Variants in RXRA observed in about 807,000 individuals in gnomAD.
RXRA encodes the protein retinoid X receptor alpha, also known as retinoic acid receptor RXR-alpha.
In RXRA, 5 loss-of-function variants were observed where a neutral mutation model predicts 44.5. That is an observed-to-expected ratio of 0.11 (90% CI 0.06 to 0.24). RXRA has a LOEUF of 0.24. Among genes scored for constraint, RXRA ranks in the 10% least tolerant of loss-of-function variants. The probability of loss-of-function intolerance (pLI) is 1.00; values close to 1 mark genes in which losing one functional copy is unlikely to be tolerated. For missense variants in RXRA, 412 were observed against 646.5 expected (o/e 0.64, Z 3.93); for synonymous variants, 291 against 271.4 (o/e 1.07, Z -0.71).
intron 5 of RXRA, among the ~76,000 whole-genome samples, chr9:134,420,122 C>T (rs1396089840): frequency 6.6e-6 from 1 of 152,216 alleles, no homozygotes; most frequent in Non-Finnish European, 1.5e-5. Flanking sequence ...CAAGGATCCC[C>T]AGCAGAGCCA....
intron 1 of RXRA, among the ~76,000 whole-genome samples, chr9:134,391,899 G>A (rs545447683): frequency 1.3e-5 from 2 of 152,356 alleles, no homozygotes; most frequent in South Asian, 4.1e-4. Flanking sequence ...CAGGACGGGG[G>A]CAGGAGGAGC....
intron 1 of RXRA, among the ~76,000 whole-genome samples, chr9:134,353,745 A>G (rs919968700): frequency 6.6e-6 from 1 of 152,252 alleles, no homozygotes; most frequent in Non-Finnish European, 1.5e-5. Context: ...TCCTCATGCT[A>G]CCCATGGGCC....
rs1831712815 is a variant in RXRA at position 134,440,340 on chromosome 9, G to T, written c.*3726G>T. On this transcript the variant is annotated 3_prime_UTR_variant, in exon 10 of 10. Transcript: ENST00000481739. ...GGAGGGTGGGCCTGAGGCTTTCAAG[G>T]GTTTTCTTCCCTTTCGAGTAATTTT... The T allele has an allele frequency of 6.6e-6, 1 of 152,364 alleles. No homozygotes were observed. Among genetic ancestry groups the T allele is most frequent in the Non-Finnish European group, 1.5e-5 (1 of 68,036 alleles). 9.4% of individuals were successfully genotyped at this position (152,364 alleles called of 1,614,324 possible). A position where few individuals can be genotyped will look rare whatever the true frequency, so the allele number is the denominator to read the frequency against.
chr9:134,366,042 C>T lies in RXRA; in HGVS notation c.29-35590C>T, dbSNP rs1677343021. 1.3e-5 allele frequency among the ~76,000 whole-genome samples: 2 copies of T among 152,164 alleles called. No homozygotes were observed. The highest frequency in any genetic ancestry group is 1.3e-4 in the Admixed American group (2 of 15,282). On this transcript the variant is annotated intron_variant, in intron 1 of 9. Transcript: ENST00000481739. The surrounding 1 kb of genome is among the most constrained non-coding windows in gnomAD (Gnocchi z 5.9). ...TGCCTCCACCCCTGCCTCCACCCCT[C>T]CCTTTTTGGGAGGTGGGGCTTGGCA... is the stretch of plus-strand genomic sequence containing the variant.
chr9:134,414,634 GCCCTGC>G (rs1831204335), intron 4 of RXRA, among the ~76,000 whole-genome samples: 1 of 152,266 alleles, frequency 6.6e-6, no homozygotes, highest in Non-Finnish European at 1.5e-5. Context: ...TGAGCGCTCA[GCCCTGC>G]CCCTTTGGCT....
At chr9:134,338,076 A>G (rs1554747576) in intron 1 of RXRA, among the ~76,000 whole-genome samples, 1 of 152,158 alleles carries the variant, frequency 6.6e-6, no homozygotes, top group Non-Finnish European at 1.5e-5. Context: ...AGCGGCAGCC[A>G]CAGACGACGT....
chr9:134,422,289 C>T (rs1482508562), intron 6 of RXRA: 2 of 1,285,864 alleles, frequency 1.6e-6, no homozygotes, highest in Non-Finnish European at 1.0e-6. Context: ...CACACTCCTA[C>T]TTCCTGGGAC....
chr9:134,376,405 C>T lies in RXRA; in HGVS notation c.29-25227C>T, dbSNP rs181535000. Among the ~76,000 whole-genome samples the T allele has an allele frequency of 2.2e-3, 330 of 152,344 alleles. 1 individual carries two copies. Among genetic ancestry groups the T allele is most frequent in the Admixed American group, 3.5e-3 (53 of 15,312 alleles). On this transcript the variant is annotated intron_variant, in intron 1 of 9. Coordinates refer to ENST00000481739, the MANE Select transcript of RXRA (RefSeq NM_002957.6). ...CCCGTCTATGCTGTCTCCATTCCTT[C>T]GCGGGGGCAGAGGTCCCTCCAGTGG...
intron 1 of RXRA, among the ~76,000 whole-genome samples, chr9:134,385,069 G>A (rs1217292003): frequency 5.9e-5 from 9 of 152,326 alleles, no homozygotes; most frequent in Admixed American, 1.3e-4. Context: ...AGCTACCCCT[G>A]CGCAGCCTTC....
intron 1 of RXRA, among the ~76,000 whole-genome samples, chr9:134,374,706 C>A (rs368650835): frequency 6.6e-6 from 1 of 152,264 alleles, no homozygotes; most frequent in East Asian, 1.9e-4. Flanking sequence ...CCTTTTGCCT[C>A]CTGGCGACTT....
intron 1 of RXRA, among the ~76,000 whole-genome samples, chr9:134,398,721 A>G (rs1455450522): frequency 6.6e-6 from 1 of 152,238 alleles, no homozygotes; most frequent in Non-Finnish European, 1.5e-5. Flanking sequence ...AGAAGCTGAA[A>G]GAATCCAGGA....
intron 1 of RXRA, among the ~76,000 whole-genome samples, chr9:134,364,007 C>T (rs995901349): frequency 5.3e-5 from 8 of 152,216 alleles, no homozygotes; most frequent in Admixed American, 5.2e-4. Context: ...CTTCTCCTCT[C>T]CCAGTTGCCC....
In RXRA at chr9:134,339,312, C is replaced by T. The variant is rs571457337; in HGVS notation, c.28+12653C>T. ...TCCTCCCCAGACCCTCCTCTGTCTG[C>T]GTGTGAGCCCGTGAGCCTGTGTGGG... On this transcript the variant is annotated intron_variant, in intron 1 of 9. Transcript: ENST00000481739. Among the ~76,000 whole-genome samples the T allele has an allele frequency of 2.6e-4, 40 of 152,358 alleles. 2 individuals are homozygous for T. The South Asian group carries it at 7.9e-3, about 30-fold the overall frequency.
At chr9:134,357,298 C>G (rs766471981) in intron 1 of RXRA, among the ~76,000 whole-genome samples, 11 of 152,328 alleles carry the variant, frequency 7.2e-5, no homozygotes, top group Non-Finnish European at 1.3e-4. Flanking sequence ...GCTGAGCGGG[C>G]TGCAGCCTCC....
chr9:134,377,392 C>T (rs1264825022), intron 1 of RXRA, among the ~76,000 whole-genome samples: 1 of 152,160 alleles, frequency 6.6e-6, no homozygotes, highest in Non-Finnish European at 1.5e-5. Context: ...GCATGGGAGG[C>T]CCAGAGCATG....
intron 4 of RXRA, among the ~76,000 whole-genome samples, chr9:134,414,865 T>C (rs1831208871): frequency 6.6e-6 from 1 of 152,086 alleles, no homozygotes; most frequent in Non-Finnish European, 1.5e-5. Flanking sequence ...GTCGGCTCTA[T>C]AGGCTCAGGA....
intron 1 of RXRA, among the ~76,000 whole-genome samples, chr9:134,331,100 GC>G (rs1834997662): frequency 6.6e-6 from 1 of 152,168 alleles, no homozygotes; most frequent in African/African-American, 2.4e-5. Flanking sequence ...GTGGATATAG[GC>G]CTGCCACAGG....
chr9:134,425,352 C>CGTCA (rs1831414570), intron 6 of RXRA: 1 of 985,160 alleles, frequency 1.0e-6, no homozygotes, highest in South Asian at 4.7e-5. Flanking sequence ...GGGTCACACC[C>CGTCA]TGACCCTTGT....
intron 1 of RXRA, among the ~76,000 whole-genome samples, chr9:134,363,345 T>C (rs1202116148): frequency 2.0e-5 from 3 of 152,214 alleles, no homozygotes; most frequent in South Asian, 4.1e-4. Flanking sequence ...CGGTGGGCCC[T>C]GTCCACCCAC....
Sources: allele counts gnomAD v4.1 joint callset (sites outside exome capture counted in the v4.1 genomes callset), GRCh38; gene constraint gnomAD v4.1.1; non-coding constraint Gnocchi (gnomAD v3.1); transcripts MANE v1.5; gene names NCBI Gene and HGNC (gene_info 2026-07-23, HGNC 2026-07-21).